Variants in EN2 observed in about 807,000 individuals in gnomAD.
EN2 encodes the protein homeobox protein engrailed-2.
EN2 carries 7 observed loss-of-function variants against 25.0 expected under a neutral mutation model. The ratio of observed to expected loss-of-function variants is 0.28; its 90% CI spans 0.16 to 0.53. EN2 has a LOEUF of 0.53. Among genes scored for constraint, EN2 ranks in the 20% least tolerant of loss-of-function variants. The pLI is 0.96. For synonymous variants in EN2, 277 were observed against 243.3 expected, an observed-to-expected ratio of 1.14 and a Z score of -1.29; for missense variants, 524 against 501.8, an observed-to-expected ratio of 1.04 and a Z score of -0.42.
intron 1 of EN2, 55 bp from the exon 2 acceptor site, chr7:155,462,316 T>C: frequency 1.3e-6 from 2 of 1,537,658 alleles, no homozygotes; most frequent in Non-Finnish European, 1.7e-6. Context: ...CGGTGCCTAT[T>C]GGGTGGCACA....
chr7:155,458,795 G>T lies in EN2; in HGVS notation c.418G>T (p.Gly140Cys). The change falls in exon 1 of 2, where the codon GGC becomes TGC. Residue 140 changes from glycine to cysteine, a missense_variant. Coordinates refer to ENST00000297375, the MANE Select transcript of EN2 (RefSeq NM_001427.4). ...GAACCCGCCATGTGCGCCCGGCGCGGGCGGGCCGCTCCCAGCCGCCGGCAG... is the reference window on the plus strand; with the variant it reads ...GAACCCGCCATGTGCGCCCGGCGCGTGCGGGCCGCTCCCAGCCGCCGGCAG... ...RQNPPCAPGAGGPLPAAGSDS... is the reference protein window; with the variant it reads ...RQNPPCAPGACGPLPAAGSDS... 7.2e-7 allele frequency: 1 copy of T among 1,393,806 alleles called. No individual in the cohort carries two copies. Among genetic ancestry groups the T allele is most frequent in the South Asian group, 1.6e-5 (1 of 62,208 alleles). 86.3% of individuals were successfully genotyped at this position (1,393,806 alleles called of 1,614,324 possible).
rs1795659627 is a variant in EN2, at chr7:155,458,771, A to C, written c.394A>C (p.Asn132His). Residue 132 changes from asparagine (N) to histidine (H), a missense_variant, in exon 1 of 2, where the codon AAC becomes CAC. Physicochemically the swap from Asn to His is moderately conservative, Grantham distance 68. Transcript: ENST00000297375. Reference sequence around the variant, plus strand: ...CTCGGGCTCCCGAGAGCCCCGGCAGAACCCGCCATGTGCGCCCGGCGCGGG... The same window carrying C: ...CTCGGGCTCCCGAGAGCCCCGGCAGCACCCGCCATGTGCGCCCGGCGCGGG... Reference protein sequence around the residue: ...LGSGSREPRQNPPCAPGAGGP... With the variant: ...LGSGSREPRQHPPCAPGAGGP... The C allele has an allele frequency of 7.3e-7, 1 of 1,373,414 alleles. No individual in the cohort carries two copies. The highest frequency in any genetic ancestry group is 1.5e-5 in the African/African-American group (1 of 64,892). The allele number at this position is 1,373,414 out of a possible 1,614,324, so 85.1% of individuals were successfully genotyped here.
At chr7:155,461,743 G>T (rs949925593) in intron 1 of EN2, among the ~76,000 whole-genome samples, 2 of 152,308 alleles carry the variant, frequency 1.3e-5, no homozygotes, top group South Asian at 4.1e-4. Context: ...GGAAGTACAT[G>T]CACTGACTCT....
Position 155,459,081 on chromosome 7 carries a change from C to A in EN2, c.685+19C>A. The A allele has an allele frequency of 1.3e-6, 2 of 1,558,178 alleles. No individual in the cohort carries two copies. Among genetic ancestry groups the A allele is most frequent in the African/African-American group, 1.4e-5 (1 of 71,490 alleles). On this transcript the variant is annotated intron_variant, in intron 1 of 1. Coordinates refer to ENST00000297375, the MANE Select transcript of EN2 (RefSeq NM_001427.4). ...TCTTCAGGTGAGCCCGCGGGGACCA[C>A]GCGTCCCGGCTCGCCGCGGGGAGGC...
At position 155,464,764 on chromosome 7, in the gene EN2, C is replaced by T. The variant is rs755786194; in HGVS notation, c.*2077C>T. 1.2e-4 allele frequency: 19 copies of T among 152,362 alleles called. No individual in the cohort carries two copies. The highest frequency in any genetic ancestry group is 1.9e-4 in the African/African-American group (8 of 41,400). The allele number at this position is 152,362 out of a possible 1,614,324, so 9.4% of individuals were successfully genotyped here. A position where few individuals can be genotyped will look rare whatever the true frequency, so the allele number is the denominator to read the frequency against. Reference sequence around the variant, plus strand: ...TCAAAATTGTGAACACCCCCACCCCCGCATTTTTGTGTGTTGAAATTCTTG... The same window carrying T: ...TCAAAATTGTGAACACCCCCACCCCTGCATTTTTGTGTGTTGAAATTCTTG... On this transcript the variant is annotated 3_prime_UTR_variant, in exon 2 of 2. Coordinates refer to ENST00000297375, the MANE Select transcript of EN2 (RefSeq NM_001427.4).
chr7:155,459,067 G>T lies in EN2; in HGVS notation c.685+5G>T. 10 of 1,571,374 alleles carry T rather than the reference G, an allele frequency of 6.4e-6. No individual in the cohort carries two copies. Among genetic ancestry groups the T allele is most frequent in the East Asian group, 2.4e-5 (1 of 41,662 alleles). On this transcript the variant is annotated splice_donor_5th_base_variant and intron_variant, in intron 1 of 1. Coordinates refer to ENST00000297375, the MANE Select transcript of EN2 (RefSeq NM_001427.4). ...ACTCGGACCGGCCTTCTTCAGGTGA[G>T]CCCGCGGGGACCACGCGTCCCGGCT...
chr7:155,459,900 A>T (rs1585268053), intron 1 of EN2, among the ~76,000 whole-genome samples: 1 of 152,230 alleles, frequency 6.6e-6, no homozygotes, highest in South Asian at 2.1e-4. Flanking sequence ...TTTTTCATAG[A>T]TCTGCGATTT....
chr7:155,462,486 G>A lies in EN2; in HGVS notation c.801G>A (p.Arg267=). ...TCAAGGCCGAGTTCCAGACCAACAG[G>A]TACCTGACGGAGCAGCGGCGCCAGA... is the stretch of plus-strand genomic sequence containing the variant. ...QRLKAEFQTN[R]YLTEQRRQSL... is the part of the protein sequence containing the mutation. The change falls in exon 2 of 2, where the codon AGG becomes AGA. Residue 267 remains arginine (R), a synonymous_variant. Coordinates refer to ENST00000297375, the MANE Select transcript of EN2 (RefSeq NM_001427.4). 2 of 1,614,208 alleles carry A rather than the reference G, an allele frequency of 1.2e-6. No homozygotes were observed. Among genetic ancestry groups the A allele is most frequent in the Non-Finnish European group, 1.7e-6 (2 of 1,180,050 alleles).
intron 1 of EN2, 107 bp downstream of exon 1, chr7:155,459,169 C>T: frequency 1.7e-6 from 2 of 1,202,866 alleles, no homozygotes; most frequent in Admixed American, 3.0e-5. Context: ...CTCGAACCTC[C>T]CCCGCGCACA....
In EN2 at chr7:155,458,550, G is replaced by A. The variant is rs1421528615; in HGVS notation, c.173G>A (p.Gly58Asp). 26 of 1,417,012 alleles carry A rather than the reference G, an allele frequency of 1.8e-5. No homozygotes were observed. Among genetic ancestry groups the A allele is most frequent in the Non-Finnish European group, 2.3e-5 (25 of 1,080,582 alleles). The allele number at this position is 1,417,012 out of a possible 1,614,324, so 87.8% of individuals were successfully genotyped here. A position where few individuals can be genotyped will look rare whatever the true frequency, so the allele number is the denominator to read the frequency against. Residue 58 changes from glycine to aspartate, a missense_variant, in exon 1 of 2, where the codon GGC becomes GAC. Physicochemically the swap from Gly to Asp is moderately conservative, Grantham distance 94. Transcript: ENST00000297375. ...CTGCCCGCGGTCCTGCAGGCGCCCGGCAACCACCAGCACCCGCACCGCATC... is the reference window on the plus strand; with the variant it reads ...CTGCCCGCGGTCCTGCAGGCGCCCGACAACCACCAGCACCCGCACCGCATC... ...LMLPAVLQAP[G>D]NHQHPHRITN...
rs1030379691 is a variant in EN2 at position 155,458,158 on chromosome 7, T to G, written c.-220T>G. 8 of 445,598 alleles carry G rather than the reference T, an allele frequency of 1.8e-5. No homozygotes were observed. Among genetic ancestry groups the G allele is most frequent in the African/African-American group, 1.4e-4 (7 of 48,986 alleles). 27.6% of individuals were successfully genotyped at this position (445,598 alleles called of 1,614,324 possible). On this transcript the variant is annotated 5_prime_UTR_variant, in exon 1 of 2. Coordinates refer to ENST00000297375, the MANE Select transcript of EN2 (RefSeq NM_001427.4). ...TCATCGTCTGGGCGAGCGGGGCGGC[T>G]CGTGGTGTTTCTAACCCAGTTCGTG...
In EN2 at chr7:155,458,962, G is replaced by A. The variant is rs761601412; in HGVS notation, c.585G>A (p.Ser195=). The stretch of plus-strand genomic sequence containing the variant: ...GCGGCGGCGACCTGTCGGTGAGCTC[G>A]GACTCGGACAGCTCGCAAGCCGGCG... ...GLGGGDLSVS[S]DSDSSQAGAN... Residue 195 remains serine (S), a synonymous_variant, in exon 1 of 2, where the codon TCG becomes TCA. Coordinates refer to ENST00000297375, the MANE Select transcript of EN2 (RefSeq NM_001427.4). 22 of 1,532,162 alleles carry A rather than the reference G, an allele frequency of 1.4e-5. No individual in the cohort carries two copies. Among genetic ancestry groups the A allele is most frequent in the South Asian group, 9.5e-5 (8 of 83,964 alleles). 94.9% of individuals were successfully genotyped at this position (1,532,162 alleles called of 1,614,324 possible).
rs1385589834 is a variant in EN2 at position 155,463,690 on chromosome 7, A to G, written c.*1003A>G. On this transcript the variant is annotated 3_prime_UTR_variant, in exon 2 of 2. Coordinates refer to ENST00000297375, the MANE Select transcript of EN2 (RefSeq NM_001427.4). ...GCTAAAGGCCTGGGGTGTGTGGCCT[A>G]AAGCCCAAGAGCGGTGGGGCGACCC... 6.6e-6 allele frequency: 1 copy of G among 152,160 alleles called. No individual in the cohort carries two copies. Among genetic ancestry groups the G allele is most frequent in the African/African-American group, 2.4e-5 (1 of 41,418 alleles). The allele number at this position is 152,160 out of a possible 1,614,324, so 9.4% of individuals were successfully genotyped here.
rs563207120 is a variant in EN2 at position 155,462,100 on chromosome 7, T to C, written c.686-271T>C. Among the ~76,000 whole-genome samples the C allele has an allele frequency of 6.1e-4, 93 of 152,330 alleles. 1 individual carries two copies. Among genetic ancestry groups the C allele is most frequent in the Non-Finnish European group, 1.1e-3 (75 of 68,028 alleles). On this transcript the variant is annotated intron_variant, in intron 1 of 1. Coordinates refer to ENST00000297375, the MANE Select transcript of EN2 (RefSeq NM_001427.4). ...TGCTTACATCCAGGAGTTTTACTTT[T>C]ATCTAGAGACCCCTCATTTGTGGTC...
rs80239010 is a variant in EN2, at chr7:155,458,977, G to A, written c.600G>A (p.Ser200=). ...CGGTGAGCTCGGACTCGGACAGCTCGCAAGCCGGCGCCAACCTGGGCGCGC... is the reference window on the plus strand; with the variant it reads ...CGGTGAGCTCGGACTCGGACAGCTCACAAGCCGGCGCCAACCTGGGCGCGC... ...DLSVSSDSDS[S]QAGANLGAQP... Residue 200 remains serine, a synonymous_variant, in exon 1 of 2, where the codon TCG becomes TCA. Coordinates refer to ENST00000297375, the MANE Select transcript of EN2 (RefSeq NM_001427.4). 2 of 1,545,086 alleles carry A rather than the reference G, an allele frequency of 1.3e-6. No homozygotes were observed. The highest frequency in any genetic ancestry group is 8.7e-7 in the Non-Finnish European group (1 of 1,155,770).
At position 155,458,931 on chromosome 7, in the gene EN2, G is replaced by T; in HGVS notation, c.554G>T (p.Gly185Val). 4 of 1,518,070 alleles carry T rather than the reference G, an allele frequency of 2.6e-6. No individual in the cohort carries two copies. Among genetic ancestry groups the T allele is most frequent in the Non-Finnish European group, 3.5e-6 (4 of 1,140,234 alleles). 94.0% of individuals were successfully genotyped at this position (1,518,070 alleles called of 1,614,324 possible). ...CTGGACGGGTCGCTCAAGGCCCGCG[G>T]CTTGGGCGGCGGCGACCTGTCGGTG... ...GPLDGSLKAR[G>V]LGGGDLSVSS... The change falls in exon 1 of 2, where the codon GGC becomes GTC. Residue 185 changes from glycine (G) to valine (V), a missense_variant. By Grantham distance (109) the Gly-to-Val change is moderately radical (BLOSUM62 -3). Coordinates refer to ENST00000297375, the MANE Select transcript of EN2 (RefSeq NM_001427.4).
chr7:155,458,522 A>G lies in EN2; in HGVS notation c.145A>G (p.Met49Val). The G allele has an allele frequency of 7.4e-7, 1 of 1,353,216 alleles. No individual in the cohort carries two copies. 83.8% of individuals were successfully genotyped at this position (1,353,216 alleles called of 1,614,324 possible). Reference sequence around the variant, plus strand: ...GGACACCGGGCGCCGGCGGGCTCTGATGCTGCCCGCGGTCCTGCAGGCGCC... The same window carrying G: ...GGACACCGGGCGCCGGCGGGCTCTGGTGCTGCCCGCGGTCCTGCAGGCGCC... ...EADTGRRRAL[M>V]LPAVLQAPGN... Residue 49 changes from methionine to valine, a missense_variant, in exon 1 of 2, where the codon ATG becomes GTG. By Grantham distance (21) the Met-to-Val change is conservative (BLOSUM62 1). Transcript: ENST00000297375.
At position 155,458,622 on chromosome 7, in the gene EN2, G is replaced by C; in HGVS notation, c.245G>C (p.Arg82Pro). The C allele has an allele frequency of 6.8e-7, 1 of 1,460,764 alleles. No individual in the cohort carries two copies. Among genetic ancestry groups the C allele is most frequent in the Middle Eastern group, 1.8e-4 (1 of 5,412 alleles). 90.5% of individuals were successfully genotyped at this position (1,460,764 alleles called of 1,614,324 possible). A position where few individuals can be genotyped will look rare whatever the true frequency, so the allele number is the denominator to read the frequency against. ...DNILRPEFGR[R>P]KDAGTCCAGA... ...ATCCTGCGGCCCGAGTTCGGCCGGC[G>C]AAAGGACGCGGGGACCTGCTGTGCG... is the stretch of plus-strand genomic sequence containing the variant. Residue 82 changes from arginine (R) to proline (P), a missense_variant, in exon 1 of 2, where the codon CGA (arginine) becomes CCA (proline). Physicochemically the swap from Arg to Pro is moderately radical, Grantham distance 103. Transcript: ENST00000297375.
chr7:155,458,911 CG>C lies in EN2; in HGVS notation c.537del (p.Ser180ArgfsTer14). 1 of 1,512,704 alleles carries C rather than the reference CG, an allele frequency of 6.6e-7. No homozygotes were observed. The highest frequency in any genetic ancestry group is 8.8e-7 in the Non-Finnish European group (1 of 1,138,010). The allele number at this position is 1,512,704 out of a possible 1,614,324, so 93.7% of individuals were successfully genotyped here. On this transcript the variant is annotated frameshift_variant, in exon 1 of 2. Transcript: ENST00000297375. LOFTEE classifies it high-confidence loss of function. ...GCGGCGACCCCGGCGGCCCCCTGGA[CG>C]GGTCGCTCAAGGCCCGCGGCTTGGG... ...KGGDPGGPLD[G>X]SLKARGLGGG...
Sources: gnomAD v4.1 joint callset for allele counts (sites outside exome capture counted in the v4.1 genomes callset) on GRCh38, gnomAD v4.1.1 for gene constraint, MANE v1.5 for transcripts, NCBI Gene and HGNC (gene_info 2026-07-23, HGNC 2026-07-21) for gene names.